Variants in EBF1 observed in about 807,000 individuals in gnomAD.
The protein encoded by EBF1 is EBF transcription factor 1.
In EBF1, 10 loss-of-function variants were observed where a neutral mutation model predicts 68.4. The observed-to-expected ratio is 0.15, with a 90% CI of 0.09 to 0.25. The LOEUF is 0.25. Among genes scored for constraint, EBF1 ranks in the 10% least tolerant of loss-of-function variants. The probability of loss-of-function intolerance (pLI) is 1.00; values close to 1 mark genes in which losing one functional copy is unlikely to be tolerated. For synonymous variants in EBF1, 298 were observed against 299.8 expected, an observed-to-expected ratio of 0.99 and a Z score of 0.06; for missense variants, 509 against 794.4, an observed-to-expected ratio of 0.64 and a Z score of 4.32.
At chr5:159,012,529 C>A (rs1764877510) in intron 6 of EBF1, among the ~76,000 whole-genome samples, 1 of 151,752 alleles carries the variant, frequency 6.6e-6, no homozygotes, top group African/African-American at 2.4e-5. Flanking sequence ...GTCACCCAGG[C>A]TGGATGGAGT....
chr5:159,076,609 G>A (rs1287358172), intron 5 of EBF1, among the ~76,000 whole-genome samples: 1 of 151,964 alleles, frequency 6.6e-6, no homozygotes, highest in East Asian at 1.9e-4. Flanking sequence ...ATAAAGGGCT[G>A]GAGTTCACTC....
At chr5:158,949,441 G>A (rs1406213247) in intron 6 of EBF1, among the ~76,000 whole-genome samples, 1 of 152,028 alleles carries the variant, frequency 6.6e-6, no homozygotes, top group African/African-American at 2.4e-5. Context: ...ACCAGCCTGG[G>A]CAACACAGTG....
chr5:158,913,437 A>G (rs1391493380), intron 6 of EBF1, among the ~76,000 whole-genome samples: 1 of 152,178 alleles, frequency 6.6e-6, no homozygotes, highest in Non-Finnish European at 1.5e-5. Context: ...GATTTCTGAG[A>G]ATTTTCCATC....
chr5:158,791,419 C>A (rs913555892), intron 9 of EBF1, among the ~76,000 whole-genome samples: 3 of 151,830 alleles, frequency 2.0e-5, no homozygotes, highest in East Asian at 1.9e-4. Context: ...TGAGGTCCAG[C>A]GACCAACAAT....
At chr5:158,971,215 G>A (rs772848542) in intron 6 of EBF1, among the ~76,000 whole-genome samples, 5 of 152,200 alleles carry the variant, frequency 3.3e-5, no homozygotes, top group Non-Finnish European at 5.9e-5. Context: ...AGAAGAATGA[G>A]TTCATATTTA....
chr5:158,862,205 AAT>A (rs1221440505), intron 6 of EBF1, among the ~76,000 whole-genome samples: 4 of 152,160 alleles, frequency 2.6e-5, no homozygotes, highest in Non-Finnish European at 5.9e-5. Flanking sequence ...TGGAGGGTAA[AAT>A]AGTTTCATCT....
intron 6 of EBF1, among the ~76,000 whole-genome samples, chr5:158,871,239 T>A (rs1393439601): frequency 6.6e-6 from 1 of 152,214 alleles, no homozygotes; most frequent in Non-Finnish European, 1.5e-5. Context: ...ACTTCTGACA[T>A]GCAGATTGCT....
At chr5:159,013,040 A>G (rs1044106072) in intron 6 of EBF1, among the ~76,000 whole-genome samples, 1 of 152,186 alleles carries the variant, frequency 6.6e-6, no homozygotes, top group African/African-American at 2.4e-5. Context: ...AGTGTGAGGA[A>G]ATAGATTTCT....
At chr5:158,837,358 C>T (rs1789038510) in intron 7 of EBF1, among the ~76,000 whole-genome samples, 1 of 152,228 alleles carries the variant, frequency 6.6e-6, no homozygotes, top group South Asian at 2.1e-4. Flanking sequence ...GATCCATCTT[C>T]AGTTTGTCAC....
chr5:158,744,323 G>A (rs1377324212), intron 10 of EBF1, among the ~76,000 whole-genome samples: 1 of 146,840 alleles, frequency 6.8e-6, no homozygotes, highest in East Asian at 2.0e-4. Flanking sequence ...AGACAAAACA[G>A]GACAAATACA....
intron 6 of EBF1, among the ~76,000 whole-genome samples, chr5:158,911,063 G>A (rs1291585399): frequency 6.6e-6 from 1 of 152,110 alleles, no homozygotes; most frequent in Non-Finnish European, 1.5e-5. Context: ...CCTTCCCCAT[G>A]TACCATAGTC....
chr5:159,065,417 T>C (rs1424134558), intron 6 of EBF1, among the ~76,000 whole-genome samples: 1 of 152,190 alleles, frequency 6.6e-6, no homozygotes, highest in Non-Finnish European at 1.5e-5. Context: ...CAGCAGCTGA[T>C]GTCATGAAAC....
intron 6 of EBF1, among the ~76,000 whole-genome samples, chr5:158,941,973 T>C (rs916634748): frequency 4.6e-5 from 7 of 152,248 alleles, no homozygotes; most frequent in East Asian, 3.8e-4. Context: ...ATGTCTTTAG[T>C]AGTTTTCTGA....
At position 159,099,556 on chromosome 5, in the gene EBF1, G is replaced by C; in HGVS notation, c.-78C>G. 9.5e-5 allele frequency: 122 copies of C among 1,277,750 alleles called. No homozygotes were observed. Among genetic ancestry groups the C allele is most frequent in the East Asian group, 2.8e-4 (9 of 32,572 alleles). 79.2% of individuals were successfully genotyped at this position (1,277,750 alleles called of 1,614,324 possible). ...AAAAAAAAAAAGGAAAGAAAAGAAA[G>C]AAAAGAAAAGAAACAAAAACGCCAA... On this transcript the variant is annotated 5_prime_UTR_variant, in exon 1 of 16. Coordinates refer to ENST00000313708, the MANE Select transcript of EBF1 (RefSeq NM_024007.5).
At chr5:159,079,220 T>C (rs1402168637) in intron 5 of EBF1, among the ~76,000 whole-genome samples, 1 of 152,162 alleles carries the variant, frequency 6.6e-6, no homozygotes. Context: ...AGCTCACAGG[T>C]CCGTCTCATT....
Position 158,728,449 on chromosome 5 carries a change from G to A in EBF1, c.1125+2620C>T, listed in dbSNP as rs529388446. On this transcript the variant is annotated intron_variant, in intron 11 of 15. Transcript: ENST00000313708. ...GAACATAACATGCAACCATAAAAGT[G>A]TTTTCAAAAGTAAGTACACAAAACT... Among the ~76,000 whole-genome samples the A allele has an allele frequency of 1.1e-4, 16 of 152,270 alleles. No individual in the cohort carries two copies. In the East Asian group the frequency reaches 2.9e-3, roughly 28 times the overall value.
intron 8 of EBF1, among the ~76,000 whole-genome samples, chr5:158,798,606 A>G (rs1780010800): frequency 6.6e-6 from 1 of 152,056 alleles, no homozygotes; most frequent in Non-Finnish European, 1.5e-5. Flanking sequence ...CCCACTTGTT[A>G]TACGTAGGAT....
intron 9 of EBF1, among the ~76,000 whole-genome samples, chr5:158,793,480 C>T (rs886848415): frequency 1.3e-5 from 2 of 152,100 alleles, no homozygotes; most frequent in African/African-American, 4.8e-5. Context: ...GCTTATGAAA[C>T]CTCATTTTTT....
At chr5:158,708,248 C>T in intron 14 of EBF1, 75 bp from the exon 15 acceptor site, 2 of 1,442,714 alleles carry the variant, frequency 1.4e-6, no homozygotes, top group Non-Finnish European at 1.9e-6. Flanking sequence ...AGATCCATCC[C>T]TCACCCAGCC....
Sources: allele counts gnomAD v4.1 joint callset (sites outside exome capture counted in the v4.1 genomes callset), GRCh38; gene constraint gnomAD v4.1.1; transcripts MANE v1.5; gene names NCBI Gene and HGNC (gene_info 2026-07-23, HGNC 2026-07-21).